CACNG7: variants seen among roughly 807,000 people sequenced by gnomAD.
CACNG7 encodes the protein calcium voltage-gated channel auxiliary subunit gamma 7.
Under a neutral mutation model 26.3 loss-of-function variants are expected in CACNG7, and 9 were observed. That is an observed-to-expected ratio of 0.34 (90% CI 0.21 to 0.60). CACNG7 has a LOEUF of 0.60. Ranked by LOEUF, CACNG7 falls within the 20% of genes least tolerant of loss-of-function variation. The pLI is 0.81. For synonymous variants in CACNG7, 170 were observed against 157.0 expected (o/e 1.08, Z -0.62); for missense variants, 297 against 380.4 (o/e 0.78, Z 1.82).
chr19:53,933,000 T>C (rs1323284249), intron 4 of CACNG7, among the ~76,000 whole-genome samples: 1 of 152,014 alleles, frequency 6.6e-6, no homozygotes, highest in Non-Finnish European at 1.5e-5. Context: ...GAGATGGGGT[T>C]TCGCCATGTT....
intron 4 of CACNG7, among the ~76,000 whole-genome samples, chr19:53,927,338 A>C (rs1032013574): frequency 2.6e-5 from 4 of 152,212 alleles, no homozygotes; most frequent in Non-Finnish European, 5.9e-5. Context: ...GATGAGTGAC[A>C]GTCTTGCATA....
At chr19:53,935,634 C>T (rs1380594982) in intron 4 of CACNG7, among the ~76,000 whole-genome samples, 27 of 42,252 alleles carry the variant, frequency 6.4e-4, no homozygotes, top group African/African-American at 2.0e-3. Flanking sequence ...CCAATACTGT[C>T]TTTTTTTTTT....
chr19:53,913,875 C>G (rs191417964), intron 2 of CACNG7, among the ~76,000 whole-genome samples: 210 of 151,872 alleles, frequency 1.4e-3, no homozygotes, highest in Non-Finnish European at 1.5e-3. Context: ...CCCCAGACCT[C>G]GTCCTCTTTA....
intron 4 of CACNG7, among the ~76,000 whole-genome samples, chr19:53,926,429 C>G (rs574514722): frequency 6.6e-6 from 1 of 152,184 alleles, no homozygotes; most frequent in East Asian, 1.9e-4. Context: ...ACCTCCAACT[C>G]CACCCGACCC....
At chr19:53,924,922 C>G (rs1247450558) in intron 4 of CACNG7, among the ~76,000 whole-genome samples, 2 of 147,722 alleles carry the variant, frequency 1.4e-5, no homozygotes, top group Non-Finnish European at 3.0e-5. Flanking sequence ...TGGAGTTGCC[C>G]CAGGTCTGGT....
At chr19:53,933,304 T>A (rs1428646329) in intron 4 of CACNG7, among the ~76,000 whole-genome samples, 1 of 145,046 alleles carries the variant, frequency 6.9e-6, no homozygotes, top group African/African-American at 2.6e-5. Flanking sequence ...CCAATTTTTT[T>A]TTTTTTTTTT....
chr19:53,921,410 G>A (rs1234876930), intron 4 of CACNG7, among the ~76,000 whole-genome samples: 1 of 149,356 alleles, frequency 6.7e-6, no homozygotes, highest in Non-Finnish European at 1.5e-5. Context: ...TCTGGTCATT[G>A]GTGGAGTTGC....
At chr19:53,936,852 G>A (rs2069108156) in intron 4 of CACNG7, among the ~76,000 whole-genome samples, 1 of 152,054 alleles carries the variant, frequency 6.6e-6, no homozygotes, top group Non-Finnish European at 1.5e-5. Flanking sequence ...TAAGTGATCT[G>A]CCCACCTTGG....
At chr19:53,923,134 T>C (rs1484751508) in intron 4 of CACNG7, among the ~76,000 whole-genome samples, 2 of 120,900 alleles carry the variant, frequency 1.7e-5, no homozygotes, top group Non-Finnish European at 3.4e-5. Context: ...GGTCTGGTCA[T>C]TGGTGGAGTT....
At chr19:53,928,678 G>C (rs1017064128) in intron 4 of CACNG7, among the ~76,000 whole-genome samples, 3 of 152,166 alleles carry the variant, frequency 2.0e-5, no homozygotes, top group Non-Finnish European at 4.4e-5. Flanking sequence ...ATCACAGACA[G>C]CCTGGAACGA....
chr19:53,920,075 G>A (rs1467557839), intron 4 of CACNG7, among the ~76,000 whole-genome samples: 4 of 128,276 alleles, frequency 3.1e-5, no homozygotes, highest in Non-Finnish European at 3.2e-5. Context: ...CTGGTCATTG[G>A]TGGAGTTGCC....
chr19:53,925,484 G>GCTGGTCATTGGTGGAGTTGTCCCAGGT lies in CACNG7; in HGVS notation c.424+9994_424+9995insGTTGTCCCAGGTCTGGTCATTGGTGGA, dbSNP rs1568778559. Reference sequence around the variant, plus strand: ...ATGGCCATTGGTGGAGTTGCCCCAGGCTGGTCATTGGTGGACTTGCCCCAG... The same window carrying GCTGGTCATTGGTGGAGTTGTCCCAGGT: ...ATGGCCATTGGTGGAGTTGCCCCAGGCTGGTCATTGGTGGAGTTGTCCCAGGTCTGGTCATTGGTGGACTTGCCCCAG... On this transcript the variant is annotated intron_variant, in intron 4 of 5. Transcript: ENST00000391767. Among the ~76,000 whole-genome samples the GCTGGTCATTGGTGGAGTTGTCCCAGGT allele has an allele frequency of 6.7e-3, 779 of 116,734 alleles. 32 individuals are homozygous for GCTGGTCATTGGTGGAGTTGTCCCAGGT. The highest frequency in any genetic ancestry group is 0.027 in the African/African-American group (730 of 27,334). The allele number at this position is 116,734 out of a possible 152,430, so 76.6% of individuals were successfully genotyped here.
chr19:53,936,969 G>A (rs532116125), intron 4 of CACNG7, among the ~76,000 whole-genome samples: 4 of 152,086 alleles, frequency 2.6e-5, no homozygotes, highest in African/African-American at 7.2e-5. Flanking sequence ...GTGCAGTGGT[G>A]CAGTCATAGC....
chr19:53,925,599 G>C (rs184042416), intron 4 of CACNG7, among the ~76,000 whole-genome samples: 1 of 152,304 alleles, frequency 6.6e-6, no homozygotes, highest in East Asian at 1.9e-4. Flanking sequence ...GCTGGTCATT[G>C]GGGGAGTTGC....
In CACNG7 at chr19:53,942,490, C is replaced by T. The variant is rs1388396121; in HGVS notation, c.*197C>T. 7.0e-7 allele frequency: 1 copy of T among 1,428,534 alleles called. No homozygotes were observed. Among genetic ancestry groups the T allele is most frequent in the African/African-American group, 1.4e-5 (1 of 69,664 alleles). The allele number at this position is 1,428,534 out of a possible 1,614,324, so 88.5% of individuals were successfully genotyped here. The stretch of plus-strand genomic sequence containing the variant: ...TTTCAATGGCCGCGCCCTCTTTTCC[C>T]GACCTCTCCTTTTCATTGGTCCCTC... On this transcript the variant is annotated 3_prime_UTR_variant, in exon 6 of 6. Coordinates refer to ENST00000391767, the MANE Select transcript of CACNG7 (RefSeq NM_031896.5). The surrounding 1 kb of genome is among the most constrained non-coding windows in gnomAD (Gnocchi z 5.9).
chr19:53,915,420 G>C lies in CACNG7; in HGVS notation c.339G>C (p.Thr113=), dbSNP rs762782484. 1.9e-6 allele frequency: 3 copies of C among 1,613,772 alleles called. No homozygotes were observed. The highest frequency in any genetic ancestry group is 2.5e-6 in the Non-Finnish European group (3 of 1,179,988). The change falls in exon 4 of 6, where the codon ACG becomes ACC. Residue 113 remains threonine (T), a synonymous_variant. Transcript: ENST00000391767. Reference sequence around the variant, plus strand: ...TGGTCAGCCTCTTCCTCGTGTTCACGGCCTTCGTCATCAGCAACATCGGCC... The same window carrying C: ...TGGTCAGCCTCTTCCTCGTGTTCACCGCCTTCGTCATCAGCAACATCGGCC... ...FPMVSLFLVF[T]AFVISNIGHI... is the part of the protein sequence containing the mutation.
At chr19:53,917,178 G>A (rs759464193) in intron 4 of CACNG7, among the ~76,000 whole-genome samples, 7 of 152,080 alleles carry the variant, frequency 4.6e-5, no homozygotes, top group Non-Finnish European at 8.8e-5. Context: ...GCTAAAATCA[G>A]CCCAAATCAA....
At chr19:53,915,224 A>G (rs2068888166) in intron 3 of CACNG7, 141 bp from the exon 4 acceptor site, 4 of 637,218 alleles carry the variant, frequency 6.3e-6, no homozygotes, top group Non-Finnish European at 1.1e-5. Context: ...GAGAAGAGTC[A>G]GTGGGGAAGG....
rs887983576 is a variant in CACNG7 at position 53,919,761 on chromosome 19, G to C, written c.424+4256G>C. Among the ~76,000 whole-genome samples, 35 of 145,382 alleles carry C rather than the reference G, an allele frequency of 2.4e-4. 3 individuals carry two copies. Among genetic ancestry groups the C allele is most frequent in the African/African-American group, 9.3e-4 (35 of 37,622 alleles). ...GAGTTGCCCAGGTCTGGTATTGGTGGAGTTGCCCCAGGCTGGTCATTGGTG... is the reference window on the plus strand; with the variant it reads ...GAGTTGCCCAGGTCTGGTATTGGTGCAGTTGCCCCAGGCTGGTCATTGGTG... On this transcript the variant is annotated intron_variant, in intron 4 of 5. Coordinates refer to ENST00000391767, the MANE Select transcript of CACNG7 (RefSeq NM_031896.5).
Sources: gnomAD v4.1 joint callset for allele counts (sites outside exome capture counted in the v4.1 genomes callset) on GRCh38, gnomAD v4.1.1 for gene constraint, Gnocchi (gnomAD v3.1) non-coding constraint, MANE v1.5 for transcripts, NCBI Gene and HGNC (gene_info 2026-07-23, HGNC 2026-07-21) for gene names.